PDE4A: variants seen among roughly 807,000 people sequenced by gnomAD.
The protein encoded by PDE4A is phosphodiesterase 4A, also known as 3',5'-cyclic-AMP phosphodiesterase 4A.
In PDE4A, 21 loss-of-function variants were observed where a neutral mutation model predicts 73.9. The observed-to-expected ratio is 0.28, with a 90% confidence interval of 0.20 to 0.41. The LOEUF (loss-of-function observed/expected upper bound fraction) is 0.41. PDE4A is among the 10% of genes least tolerant of loss of function. The probability of loss-of-function intolerance (pLI) is 1.00; values close to 1 mark genes in which losing one functional copy is unlikely to be tolerated. For missense variants in PDE4A, 958 were observed against 1,211.4 expected, an observed-to-expected ratio of 0.79 and a Z score of 3.10; for synonymous variants, 463 against 505.4, an observed-to-expected ratio of 0.92 and a Z score of 1.13.
chr19:10,425,395 A>AC (rs2042705044), intron 1 of PDE4A, among the ~76,000 whole-genome samples: 1 of 151,930 alleles, frequency 6.6e-6, no homozygotes, highest in Admixed American at 6.6e-5. Flanking sequence ...AGAACTGTCC[A>AC]CCCCCAGGGC....
upstream of PDE4A, chr19:10,417,133 AC>A: frequency 7.0e-7 from 1 of 1,435,804 alleles, no homozygotes; most frequent in Non-Finnish European, 9.1e-7. Context: ...GCCTCAGTTT[AC>A]CCCCTTGATT....
chr19:10,419,057 T>TC (rs2042614304), upstream of PDE4A: 1 of 152,964 alleles, frequency 6.5e-6, no homozygotes, highest in African/African-American at 7.9e-5. Context: ...ACCGGCAGTC[T>TC]TTTTTTTTTT....
In PDE4A at chr19:10,449,067, C is replaced by T; in HGVS notation, c.550-13C>T. On this transcript the variant is annotated splice_polypyrimidine_tract_variant and intron_variant, in intron 3 of 14. Transcript: ENST00000380702. Reference sequence around the variant, plus strand: ...AGGGGAACCCCACTCCTCACTGCCGCTCCCCATCCCAGGTGCTGGCCAGCC... The same window carrying T: ...AGGGGAACCCCACTCCTCACTGCCGTTCCCCATCCCAGGTGCTGGCCAGCC... 1 of 1,613,252 alleles carries T rather than the reference C, an allele frequency of 6.2e-7. No homozygotes were observed. The highest frequency in any genetic ancestry group is 8.5e-7 in the Non-Finnish European group (1 of 1,179,614).
At chr19:10,425,352 GT>G (rs1210287650) in intron 1 of PDE4A, among the ~76,000 whole-genome samples, 1 of 152,208 alleles carries the variant, frequency 6.6e-6, no homozygotes, top group African/African-American at 2.4e-5. Flanking sequence ...CGGAGCCTCA[GT>G]TTCCTCATCA....
intron 10 of PDE4A, 80 bp from the exon 11 acceptor site, chr19:10,460,923 TA>T: frequency 6.9e-7 from 1 of 1,457,224 alleles, no homozygotes. Context: ...CTCAGCCTCC[TA>T]AGTAGGTGAG....
intron 1 of PDE4A, among the ~76,000 whole-genome samples, chr19:10,441,267 T>A (rs2042933848): frequency 6.6e-6 from 1 of 152,184 alleles, no homozygotes; most frequent in Admixed American, 6.6e-5. Context: ...TAGCTGGGAC[T>A]ATAGGTGCAC....
At chr19:10,460,356 G>T (rs1479729898) in intron 10 of PDE4A, among the ~76,000 whole-genome samples, 1 of 151,828 alleles carries the variant, frequency 6.6e-6, no homozygotes, top group African/African-American at 2.4e-5. Context: ...AAAATTAGCC[G>T]GGCGTGGTGG....
At position 10,439,242 on chromosome 19, in the gene PDE4A, T is replaced by G. The variant is rs1250306721; in HGVS notation, c.321-6976T>G. ...TGTCGGCCAGGCTGGAGTACAGTGGTGTGATCTCGGTTCACTGCAACCTCC... is the reference window on the plus strand; with the variant it reads ...TGTCGGCCAGGCTGGAGTACAGTGGGGTGATCTCGGTTCACTGCAACCTCC... On this transcript the variant is annotated intron_variant, in intron 1 of 14. Transcript: ENST00000380702. 2.0e-5 allele frequency among the ~76,000 whole-genome samples: 3 copies of G among 152,112 alleles called. No individual in the cohort carries two copies. In the East Asian group the frequency reaches 5.8e-4, roughly 29 times the overall value.
At chr19:10,432,542 C>T (rs1296558214) in intron 1 of PDE4A, 35 of 1,524,760 alleles carry the variant, frequency 2.3e-5, no homozygotes, top group Non-Finnish European at 2.6e-5. Context: ...ATGAGGACAC[C>T]CGTCGGCACC....
chr19:10,437,371 C>A (rs2042879642), intron 1 of PDE4A, among the ~76,000 whole-genome samples: 1 of 151,994 alleles, frequency 6.6e-6, no homozygotes, highest in Non-Finnish European at 1.5e-5. Flanking sequence ...ATCTGCCCGC[C>A]TTGGCCTCCC....
chr19:10,427,938 T>G, intron 1 of PDE4A: 2 of 701,326 alleles, frequency 2.9e-6, no homozygotes, highest in Non-Finnish European at 3.5e-6. Context: ...GAGGTTGCAG[T>G]GAGCCAATAT....
chr19:10,426,086 CTTTGGGAGGCTGA>C (rs933378754), intron 1 of PDE4A, among the ~76,000 whole-genome samples: 2 of 150,840 alleles, frequency 1.3e-5, no homozygotes, highest in African/African-American at 4.9e-5. Context: ...ACACCCAGCA[CTTTGGGAGGCTGA>C]TGTGGGAGGA....
chr19:10,449,053 A>G lies in PDE4A; in HGVS notation c.550-27A>G, dbSNP rs1444001037. ...CCCGCTGCCTCTCTAGGGGAACCCCACTCCTCACTGCCGCTCCCCATCCCA... is the reference window on the plus strand; with the variant it reads ...CCCGCTGCCTCTCTAGGGGAACCCCGCTCCTCACTGCCGCTCCCCATCCCA... On this transcript the variant is annotated intron_variant, in intron 3 of 14. Coordinates refer to ENST00000380702, the MANE Select transcript of PDE4A (RefSeq NM_001111307.2). 3.1e-6 allele frequency: 5 copies of G among 1,612,118 alleles called. No individual in the cohort carries two copies. The East Asian group carries it at 6.7e-5, about 22-fold the overall frequency.
chr19:10,432,556 C>G, intron 1 of PDE4A: 6 of 1,524,252 alleles, frequency 3.9e-6, no homozygotes, highest in Non-Finnish European at 5.3e-6. Context: ...CGGCACCCTC[C>G]GGGCAGATCT....
Position 10,447,501 on chromosome 19 carries a change from AG to A in PDE4A, c.512+1094del, listed in dbSNP as rs1472186234. 5.9e-5 allele frequency among the ~76,000 whole-genome samples: 9 copies of A among 152,016 alleles called. No homozygotes were observed. In the South Asian group the frequency reaches 1.7e-3, roughly 28 times the overall value. On this transcript the variant is annotated intron_variant, in intron 2 of 14. Transcript: ENST00000380702. Reference sequence around the variant, plus strand: ...CGGCCTCCCAAAGTGCTGGGATTACAGGTGTGAGCCACCGCGCCCGGCCCTC... The same window carrying A: ...CGGCCTCCCAAAGTGCTGGGATTACAGTGTGAGCCACCGCGCCCGGCCCTC...
chr19:10,420,358 G>A (rs1004602160), upstream of PDE4A: 10 of 979,600 alleles, frequency 1.0e-5, no homozygotes, highest in African/African-American at 1.6e-4. The surrounding 1 kb of genome is among the most constrained non-coding windows in gnomAD (Gnocchi z 6.0). Context: ...CCGGAGCGGG[G>A]ATCTGCGTGG....
chr19:10,457,440 G>GGC (rs1403708335), intron 7 of PDE4A, among the ~76,000 whole-genome samples: 1 of 135,438 alleles, frequency 7.4e-6, no homozygotes, highest in East Asian at 3.0e-4. Context: ...GCGGGGGGGG[G>GGC]GGGGGGCAGG....
chr19:10,441,029 G>C (rs748217422), intron 1 of PDE4A, among the ~76,000 whole-genome samples: 10 of 150,262 alleles, frequency 6.7e-5, no homozygotes, highest in Non-Finnish European at 1.3e-4. Context: ...TGAGCCACCA[G>C]GCCTGGCCTA....
intron 14 of PDE4A, among the ~76,000 whole-genome samples, chr19:10,465,370 G>A (rs750614163): frequency 1.1e-4 from 17 of 151,664 alleles, no homozygotes; most frequent in Admixed American, 3.3e-4. Context: ...ACAGGCATGC[G>A]CCACCACGCC....
Sources: gnomAD v4.1 joint callset for allele counts (sites outside exome capture counted in the v4.1 genomes callset) on GRCh38, gnomAD v4.1.1 for gene constraint, Gnocchi (gnomAD v3.1) non-coding constraint, MANE v1.5 for transcripts, NCBI Gene and HGNC (gene_info 2026-07-23, HGNC 2026-07-21) for gene names.